The following MARCHF1 variants were observed in gnomAD, a reference collection of about 807,000 sequenced individuals.
MARCHF1 encodes the protein membrane associated ring-CH-type finger 1, also known as E3 ubiquitin-protein ligase MARCHF1.
Under a neutral mutation model 54.2 loss-of-function variants are expected in MARCHF1, and 40 were observed. That is an observed-to-expected ratio of 0.74 (90% CI 0.57 to 0.96). MARCHF1 has a LOEUF of 0.96. Ranked by LOEUF, MARCHF1 falls within the 40% of genes least tolerant of loss-of-function variation. The pLI is 0.00. For synonymous variants in MARCHF1, 236 were observed against 236.3 expected (o/e 1.00, Z 0.01); for missense variants, 586 against 656.5 (o/e 0.89, Z 1.17).
intron 1 of MARCHF1, among the ~76,000 whole-genome samples, chr4:164,243,628 G>A (rs541920789): frequency 1.3e-5 from 2 of 151,946 alleles, no homozygotes; most frequent in South Asian, 4.2e-4. Flanking sequence ...AAATGTCAAT[G>A]GACTAAATGC....
At chr4:164,373,049 T>C (rs1030757631) in intron 1 of MARCHF1, among the ~76,000 whole-genome samples, 36 of 152,152 alleles carry the variant, frequency 2.4e-4, no homozygotes, top group African/African-American at 8.2e-4. Flanking sequence ...ATTTAAAGAA[T>C]ATTTATATTT....
intron 3 of MARCHF1, among the ~76,000 whole-genome samples, chr4:163,940,337 A>T (rs888904144): frequency 6.6e-6 from 1 of 152,148 alleles, no homozygotes; most frequent in Non-Finnish European, 1.5e-5. Context: ...ATTTATTTAA[A>T]TATTCTATTT....
At chr4:163,765,397 G>A (rs982794163) in intron 4 of MARCHF1, among the ~76,000 whole-genome samples, 1 of 152,010 alleles carries the variant, frequency 6.6e-6, no homozygotes, top group African/African-American at 2.4e-5. Flanking sequence ...TACATTTTCA[G>A]TGATTCACAT....
intron 4 of MARCHF1, among the ~76,000 whole-genome samples, chr4:163,757,711 T>C (rs553444889): frequency 6.6e-6 from 1 of 152,312 alleles, no homozygotes; most frequent in African/African-American, 2.4e-5. Flanking sequence ...ACAAATGAAT[T>C]TAAGGGTTCT....
At chr4:163,865,957 C>T (rs1750038424) in intron 3 of MARCHF1, among the ~76,000 whole-genome samples, 1 of 151,240 alleles carries the variant, frequency 6.6e-6, no homozygotes, top group Non-Finnish European at 1.5e-5. Flanking sequence ...CCATTTTTTT[C>T]CTTTCCCATA....
chr4:163,671,858 A>G (rs1743748830), intron 5 of MARCHF1, among the ~76,000 whole-genome samples: 1 of 152,036 alleles, frequency 6.6e-6, no homozygotes, highest in Non-Finnish European at 1.5e-5. Context: ...GATAAAAGAG[A>G]ACAGGAAGTA....
At chr4:163,927,863 G>A (rs1243670504) in intron 3 of MARCHF1, among the ~76,000 whole-genome samples, 1 of 151,742 alleles carries the variant, frequency 6.6e-6, no homozygotes, top group Non-Finnish European at 1.5e-5. Context: ...ACTCACACAA[G>A]CGGAGCTTCA....
chr4:163,943,028 C>T (rs920483305), intron 3 of MARCHF1, among the ~76,000 whole-genome samples: 3 of 151,468 alleles, frequency 2.0e-5, no homozygotes, highest in African/African-American at 7.3e-5. Context: ...ATATCTTTGC[C>T]CACTTTTTAA....
chr4:163,669,846 C>T (rs867675352), intron 5 of MARCHF1, among the ~76,000 whole-genome samples: 1 of 152,112 alleles, frequency 6.6e-6, no homozygotes, highest in Non-Finnish European at 1.5e-5. Context: ...CATCTGCCCA[C>T]CTCGGCCTCC....
At chr4:163,773,311 T>A (rs917096991) in intron 4 of MARCHF1, among the ~76,000 whole-genome samples, 2 of 152,194 alleles carry the variant, frequency 1.3e-5, no homozygotes, top group Admixed American at 1.3e-4. Flanking sequence ...ACCACCAGGC[T>A]CAGCCCAATA....
Position 163,893,140 on chromosome 4 carries a change from T to A in MARCHF1, c.-38-38971A>T, listed in dbSNP as rs563607802. ...GAGGGAGACCCAACCTTACATACTTTAAAAAAAATTTTTTTTTGAGATGGA... is the reference window on the plus strand; with the variant it reads ...GAGGGAGACCCAACCTTACATACTTAAAAAAAAATTTTTTTTTGAGATGGA... On this transcript the variant is annotated intron_variant, in intron 3 of 9. Coordinates refer to ENST00000514618, the MANE Select transcript of MARCHF1 (RefSeq NM_001394959.1). Among the ~76,000 whole-genome samples, 160 of 149,882 alleles carry A rather than the reference T, an allele frequency of 1.1e-3. 2 individuals are homozygous for A. The highest frequency in any genetic ancestry group is 6.1e-3 in the South Asian group (29 of 4,766).
intron 1 of MARCHF1, among the ~76,000 whole-genome samples, chr4:164,225,071 C>T (rs1173928464): frequency 6.6e-6 from 1 of 152,064 alleles, no homozygotes; most frequent in East Asian, 1.9e-4. Flanking sequence ...TGCTTCCCAA[C>T]TCCAGGGCTC....
intron 2 of MARCHF1, among the ~76,000 whole-genome samples, chr4:164,060,042 A>C (rs1397886537): frequency 6.6e-6 from 1 of 152,102 alleles, no homozygotes; most frequent in Non-Finnish European, 1.5e-5. Flanking sequence ...TGCCTCAATT[A>C]AATTAGATAA....
intron 1 of MARCHF1, among the ~76,000 whole-genome samples, chr4:164,143,826 T>A (rs1328868040): frequency 6.6e-6 from 1 of 152,184 alleles, no homozygotes; most frequent in Non-Finnish European, 1.5e-5. Flanking sequence ...ATAACAATAT[T>A]GACTTTAAAT....
rs552093529 is a variant in MARCHF1 at position 164,007,325 on chromosome 4, G to A, written c.-247-18616C>T. 4.9e-4 allele frequency among the ~76,000 whole-genome samples: 59 copies of A among 120,582 alleles called. 1 individual carries two copies. In the South Asian group the frequency reaches 0.011, roughly 23 times the overall value. 79.1% of individuals were successfully genotyped at this position (120,582 alleles called of 152,430 possible). ...CGTGCTACTGCACTCCAGCCTGGGC[G>A]ACAGAGCGAGACTCCATCTCAAAAA... On this transcript the variant is annotated intron_variant, in intron 2 of 9. Transcript: ENST00000514618.
At chr4:163,627,490 CAGTG>C (rs1487091216) in intron 5 of MARCHF1, among the ~76,000 whole-genome samples, 2 of 152,122 alleles carry the variant, frequency 1.3e-5, no homozygotes, top group Non-Finnish European at 2.9e-5. Flanking sequence ...ACATTTGGAG[CAGTG>C]AGTAAGTAAT....
chr4:163,634,366 G>A (rs1395718231), intron 5 of MARCHF1, among the ~76,000 whole-genome samples: 1 of 149,620 alleles, frequency 6.7e-6, no homozygotes, highest in Non-Finnish European at 1.5e-5. Flanking sequence ...CATGTGCAGA[G>A]ACACACATAG....
intron 1 of MARCHF1, among the ~76,000 whole-genome samples, chr4:164,362,068 A>G (rs1484915239): frequency 1.3e-5 from 2 of 152,052 alleles, no homozygotes; most frequent in Non-Finnish European, 2.9e-5. Context: ...GTAAACACCA[A>G]ATGGTTTTAT....
intron 2 of MARCHF1, among the ~76,000 whole-genome samples, chr4:164,067,823 C>A (rs1754761579): frequency 6.6e-6 from 1 of 152,000 alleles, no homozygotes; most frequent in African/African-American, 2.4e-5. Flanking sequence ...ACTATGCATC[C>A]AATAAAGGTC....
Sources: allele counts gnomAD v4.1 joint callset (sites outside exome capture counted in the v4.1 genomes callset), GRCh38; gene constraint gnomAD v4.1.1; transcripts MANE v1.5; gene names NCBI Gene and HGNC (gene_info 2026-07-23, HGNC 2026-07-21).